RORA: variants seen among roughly 807,000 people sequenced by gnomAD.
RORA encodes the protein RAR related orphan receptor A.
RORA carries 7 observed loss-of-function variants against 69.5 expected under a neutral mutation model. The observed-to-expected ratio is 0.10, with a 90% CI of 0.06 to 0.19. The LOEUF is 0.19. RORA is among the 10% of genes least tolerant of loss of function. The pLI is 1.00. For synonymous variants in RORA, 261 were observed against 240.8 expected (o/e 1.08, Z -0.78); for missense variants, 457 against 663.0 (o/e 0.69, Z 3.41).
At chr15:61,197,197 G>T (rs2079852884) in intron 1 of RORA, among the ~76,000 whole-genome samples, 1 of 152,224 alleles carries the variant, frequency 6.6e-6, no homozygotes, top group Non-Finnish European at 1.5e-5. Context: ...TTACAAAGCT[G>T]TCTGCATTTT....
intron 1 of RORA, among the ~76,000 whole-genome samples, chr15:61,200,802 C>A (rs1200558974): frequency 6.6e-6 from 1 of 152,184 alleles, no homozygotes; most frequent in Non-Finnish European, 1.5e-5. Flanking sequence ...AAGGTAGATT[C>A]ACTCTGAACT....
At chr15:60,640,846 A>G (rs1158572599) in intron 2 of RORA, among the ~76,000 whole-genome samples, 1 of 152,186 alleles carries the variant, frequency 6.6e-6, no homozygotes, top group Non-Finnish European at 1.5e-5. Flanking sequence ...TTTTCTTCAT[A>G]GCACTTGTCA....
intron 1 of RORA, among the ~76,000 whole-genome samples, chr15:60,691,741 AC>A (rs1217322686): frequency 3.9e-5 from 6 of 152,244 alleles, no homozygotes; most frequent in Admixed American, 6.5e-5. Context: ...ACTGTTAAAC[AC>A]TTGTGATAAA....
chr15:61,078,765 G>A (rs1595957841), intron 1 of RORA, among the ~76,000 whole-genome samples: 1 of 60,022 alleles, frequency 1.7e-5, no homozygotes, highest in African/African-American at 7.0e-5. Context: ...AGGAGGGTAT[G>A]GCTATCTATC....
At chr15:60,660,875 T>C (rs2070293086) in intron 2 of RORA, among the ~76,000 whole-genome samples, 1 of 152,148 alleles carries the variant, frequency 6.6e-6, no homozygotes, top group Admixed American at 6.5e-5. Flanking sequence ...TCCCTTTCCT[T>C]GGCAAGAAAG....
intron 1 of RORA, among the ~76,000 whole-genome samples, chr15:61,141,505 A>G (rs1596022781): frequency 4.6e-5 from 7 of 152,348 alleles, no homozygotes; most frequent in Admixed American, 4.6e-4. Flanking sequence ...CAGCATGAGA[A>G]AGGAAAAAAG....
chr15:61,058,766 G>A (rs190266125), intron 1 of RORA, among the ~76,000 whole-genome samples: 10 of 152,242 alleles, frequency 6.6e-5, no homozygotes, highest in African/African-American at 1.4e-4. Context: ...GTATCATAAC[G>A]TGGCAGTGCT....
intron 1 of RORA, among the ~76,000 whole-genome samples, chr15:60,839,525 T>G (rs959631201): frequency 1.3e-4 from 20 of 152,208 alleles, no homozygotes; most frequent in African/African-American, 4.6e-4. Context: ...ATATTGATAG[T>G]CTAGCTCAAA....
At chr15:60,752,584 G>A (rs897725596) in intron 1 of RORA, among the ~76,000 whole-genome samples, 11 of 152,128 alleles carry the variant, frequency 7.2e-5, no homozygotes, top group African/African-American at 2.2e-4. Context: ...GAACAACAGC[G>A]GTAGGAAATC....
intron 1 of RORA, among the ~76,000 whole-genome samples, chr15:60,713,879 G>A (rs549028074): frequency 2.0e-5 from 3 of 152,360 alleles, no homozygotes; most frequent in African/African-American, 7.2e-5. Flanking sequence ...CAGAGTAACA[G>A]CTGCCAACTG....
intron 1 of RORA, among the ~76,000 whole-genome samples, chr15:60,865,693 C>T (rs755630054): frequency 2.2e-4 from 34 of 152,220 alleles, no homozygotes; most frequent in Non-Finnish European, 4.1e-4. Flanking sequence ...TTCAGTCCAG[C>T]TCAGTACGAA....
chr15:60,520,883 A>C (rs1275463206), intron 3 of RORA, among the ~76,000 whole-genome samples: 1 of 152,258 alleles, frequency 6.6e-6, no homozygotes, highest in Non-Finnish European at 1.5e-5. Flanking sequence ...ATTTACAAAC[A>C]TGGTGAGCTT....
intron 1 of RORA, among the ~76,000 whole-genome samples, chr15:60,949,351 A>G (rs1337441135): frequency 6.6e-6 from 1 of 152,202 alleles, no homozygotes; most frequent in Admixed American, 6.5e-5. Flanking sequence ...ACTGCTTCAC[A>G]CAGATAAAAC....
At chr15:61,191,121 G>A (rs775426684) in intron 1 of RORA, among the ~76,000 whole-genome samples, 2 of 152,090 alleles carry the variant, frequency 1.3e-5, no homozygotes, top group Admixed American at 6.6e-5. Flanking sequence ...GAAGAGATTT[G>A]TATTGAAAGG....
intron 2 of RORA, among the ~76,000 whole-genome samples, chr15:60,661,748 C>T (rs1434466770): frequency 1.3e-5 from 2 of 152,156 alleles, no homozygotes; most frequent in African/African-American, 2.4e-5. Context: ...CCATCAGAAC[C>T]CGAGAGGTTC....
At chr15:61,075,944 A>C (rs905548527) in intron 1 of RORA, among the ~76,000 whole-genome samples, 3 of 152,162 alleles carry the variant, frequency 2.0e-5, no homozygotes, top group Non-Finnish European at 4.4e-5. Flanking sequence ...TAAAGCATCC[A>C]AAGGAGAGAA....
At chr15:60,817,029 T>C (rs2072827584) in intron 1 of RORA, among the ~76,000 whole-genome samples, 1 of 152,226 alleles carries the variant, frequency 6.6e-6, no homozygotes, top group African/African-American at 2.4e-5. Context: ...CAAATAATAA[T>C]AGTATATATT....
intron 1 of RORA, among the ~76,000 whole-genome samples, chr15:60,984,801 C>CTT (rs3985701): frequency 0.1 from 14,276 of 137,116 alleles, 892 homozygotes; most frequent in African/African-American, 0.17. Context: ...CTACATATGT[C>CTT]TTTTTTTTTT....
Position 60,881,483 on chromosome 15 carries a change from C to T in RORA, c.167-202797G>A, listed in dbSNP as rs370866693. ...TACCATGACTTAGAAAATCAGGATA[C>T]GGCTTAAACTGCGAGGCTGGCCATT... is the stretch of plus-strand genomic sequence containing the variant. On this transcript the variant is annotated intron_variant, in intron 1 of 10. Transcript: ENST00000335670. Among the ~76,000 whole-genome samples, 17 of 152,322 alleles carry T rather than the reference C, an allele frequency of 1.1e-4. No individual in the cohort carries two copies. In the South Asian group the frequency reaches 1.9e-3, roughly 17 times the overall value.
Sources: gnomAD v4.1 joint callset for allele counts (sites outside exome capture counted in the v4.1 genomes callset) on GRCh38, gnomAD v4.1.1 for gene constraint, MANE v1.5 for transcripts, NCBI Gene and HGNC (gene_info 2026-07-23, HGNC 2026-07-21) for gene names.